Variants in ZDHHC17 observed in about 807,000 individuals in gnomAD.
ZDHHC17 encodes zDHHC palmitoyltransferase 17.
A neutral mutation model predicts 90.3 loss-of-function variants in ZDHHC17; 40 were observed. The observed-to-expected ratio is 0.44, with a 90% CI of 0.34 to 0.58. The LOEUF is 0.58. ZDHHC17 is among the 20% of genes least tolerant of loss of function. The pLI, the probability that ZDHHC17 is intolerant of heterozygous loss-of-function variation, is 0.01. For synonymous variants in ZDHHC17, 235 were observed against 252.4 expected, an observed-to-expected ratio of 0.93 and a Z score of 0.65; for missense variants, 614 against 780.8, an observed-to-expected ratio of 0.79 and a Z score of 2.55.
At chr12:76,835,379 A>C (rs960307798) in intron 10 of ZDHHC17, among the ~76,000 whole-genome samples, 1 of 152,062 alleles carries the variant, frequency 6.6e-6, no homozygotes, top group Non-Finnish European at 1.5e-5. Context: ...TTGAAATTCT[A>C]TTTGAGCTGT....
chr12:76,764,965 G>C (rs1952415278), intron 1 of ZDHHC17, among the ~76,000 whole-genome samples: 1 of 152,308 alleles, frequency 6.6e-6, no homozygotes, highest in Middle Eastern at 3.4e-3. Flanking sequence ...GGAGCTAGGG[G>C]TGGACAGTGC....
rs1029501345 is a variant in ZDHHC17, at chr12:76,853,542, C to A, written c.*2557C>A. ...TATGGATGTTTTTATTTTATATTTT[C>A]TTTATTTATAACTGTGCCAAGTATT... is the stretch of plus-strand genomic sequence containing the variant. On this transcript the variant is annotated 3_prime_UTR_variant, in exon 17 of 17. Coordinates refer to ENST00000426126, the MANE Select transcript of ZDHHC17 (RefSeq NM_015336.4). 2 of 152,038 alleles carry A rather than the reference C, an allele frequency of 1.3e-5. No individual in the cohort carries two copies. Among genetic ancestry groups the A allele is most frequent in the South Asian group, 4.2e-4 (2 of 4,800 alleles). 9.4% of individuals were successfully genotyped at this position (152,038 alleles called of 1,614,324 possible).
At chr12:76,800,929 C>T (rs1223558268) in intron 2 of ZDHHC17, among the ~76,000 whole-genome samples, 2 of 143,898 alleles carry the variant, frequency 1.4e-5, no homozygotes, top group Non-Finnish European at 3.0e-5. Flanking sequence ...GCTCTATCGC[C>T]TAGGCTGGAG....
At chr12:76,795,582 T>C (rs1952810138) in intron 1 of ZDHHC17, among the ~76,000 whole-genome samples, 1 of 152,106 alleles carries the variant, frequency 6.6e-6, no homozygotes, top group Non-Finnish European at 1.5e-5. Flanking sequence ...AATTTAGAAA[T>C]AAGAAAGTGT....
intron 12 of ZDHHC17, chr12:76,843,765 A>G (rs1953462753): frequency 1.3e-5 from 2 of 152,130 alleles, no homozygotes; most frequent in Admixed American, 1.3e-4. Context: ...ATGCTCTTTT[A>G]TACTTATACA....
At chr12:76,800,043 T>C (rs1290347276) in intron 2 of ZDHHC17, among the ~76,000 whole-genome samples, 1 of 152,228 alleles carries the variant, frequency 6.6e-6, no homozygotes, top group Non-Finnish European at 1.5e-5. Flanking sequence ...ATGTGTGGTA[T>C]CATGTGCTCA....
At chr12:76,830,895 A>G (rs890940789) in intron 10 of ZDHHC17, among the ~76,000 whole-genome samples, 3 of 152,164 alleles carry the variant, frequency 2.0e-5, no homozygotes, top group Non-Finnish European at 4.4e-5. Context: ...CAGAGTTAGT[A>G]TAAAATAGCT....
chr12:76,789,828 CTAGT>C (rs1417221208), intron 1 of ZDHHC17, among the ~76,000 whole-genome samples: 2 of 152,072 alleles, frequency 1.3e-5, no homozygotes, highest in Non-Finnish European at 2.9e-5. Context: ...AAATACCTGA[CTAGT>C]TATTCTCAAA....
chr12:76,804,953 G>A (rs1565781113), intron 2 of ZDHHC17, among the ~76,000 whole-genome samples: 1 of 152,022 alleles, frequency 6.6e-6, no homozygotes, highest in Non-Finnish European at 1.5e-5. Context: ...TCATTTATAT[G>A]CATCTTGTTA....
At chr12:76,801,537 C>T (rs904873182) in intron 2 of ZDHHC17, among the ~76,000 whole-genome samples, 2 of 151,830 alleles carry the variant, frequency 1.3e-5, no homozygotes, top group African/African-American at 2.4e-5. Context: ...GCCTGTAGTC[C>T]CAGCTACTCG....
rs12311275 is a variant in ZDHHC17, at chr12:76,831,745, C to A, written c.1141+3255C>A. Reference sequence around the variant, plus strand: ...CACTGCTGCCTCAACCTCCCAGGCTCAGGTGATCCTCCCACCTCAGCCTCC... The same window carrying A: ...CACTGCTGCCTCAACCTCCCAGGCTAAGGTGATCCTCCCACCTCAGCCTCC... On this transcript the variant is annotated intron_variant, in intron 10 of 16. Coordinates refer to ENST00000426126, the MANE Select transcript of ZDHHC17 (RefSeq NM_015336.4). Among the ~76,000 whole-genome samples the A allele has an allele frequency of 2.0e-4, 31 of 152,260 alleles. No homozygotes were observed. In the South Asian group the frequency reaches 6.2e-3, roughly 31 times the overall value.
intron 1 of ZDHHC17, among the ~76,000 whole-genome samples, chr12:76,796,161 A>G (rs557486846): frequency 6.6e-6 from 1 of 152,270 alleles, no homozygotes; most frequent in East Asian, 1.9e-4. Context: ...AATACTCTCA[A>G]CTTGGTATGA....
chr12:76,804,679 G>A (rs1403468032), intron 2 of ZDHHC17, among the ~76,000 whole-genome samples: 2 of 152,160 alleles, frequency 1.3e-5, no homozygotes, highest in Admixed American at 6.5e-5. Flanking sequence ...TAAAACTTAG[G>A]CGGCGTCTGG....
intron 1 of ZDHHC17, among the ~76,000 whole-genome samples, chr12:76,767,308 A>G (rs1002248476): frequency 1.3e-5 from 2 of 152,240 alleles, no homozygotes; most frequent in African/African-American, 4.8e-5. Context: ...TCACACAAAA[A>G]CAGTTTTTCA....
At chr12:76,781,133 CAAAA>C (rs33935444) in intron 1 of ZDHHC17, among the ~76,000 whole-genome samples, 2 of 92,372 alleles carry the variant, frequency 2.2e-5, no homozygotes, top group South Asian at 4.3e-4. Flanking sequence ...GACTCCGTCT[CAAAA>C]AAAAAAAAAA....
At chr12:76,815,484 A>T (rs1953075548) in intron 6 of ZDHHC17, among the ~76,000 whole-genome samples, 1 of 151,824 alleles carries the variant, frequency 6.6e-6, no homozygotes, top group Non-Finnish European at 1.5e-5. Context: ...CATGTGATTT[A>T]CATATTGACA....
intron 2 of ZDHHC17, among the ~76,000 whole-genome samples, chr12:76,798,340 A>G (rs1240670463): frequency 6.6e-6 from 1 of 152,222 alleles, no homozygotes; most frequent in Admixed American, 6.5e-5. Flanking sequence ...TGCAAAGTAT[A>G]TGGAAGTTGA....
intron 12 of ZDHHC17, chr12:76,843,984 A>C (rs1953464642): frequency 6.6e-6 from 1 of 152,120 alleles, no homozygotes; most frequent in Non-Finnish European, 1.5e-5. Flanking sequence ...ATTCTTTTAT[A>C]TATTCCGGCA....
chr12:76,816,088 G>A lies in ZDHHC17; in HGVS notation c.771+69G>A, dbSNP rs1201528671. 8 of 1,254,228 alleles carry A rather than the reference G, an allele frequency of 6.4e-6. No homozygotes were observed. The Admixed American group carries it at 2.3e-4, about 36-fold the overall frequency. 77.7% of individuals were successfully genotyped at this position (1,254,228 alleles called of 1,614,324 possible). A position where few individuals can be genotyped will look rare whatever the true frequency, so the allele number is the denominator to read the frequency against. The stretch of plus-strand genomic sequence containing the variant: ...ATATGTGAATTCTGTAATAAAACAA[G>A]TTTTTCATAGACTGTCAGAGTTGAA... On this transcript the variant is annotated intron_variant, in intron 7 of 16. Coordinates refer to ENST00000426126, the MANE Select transcript of ZDHHC17 (RefSeq NM_015336.4).
Sources: gnomAD v4.1 joint callset for allele counts (sites outside exome capture counted in the v4.1 genomes callset) on GRCh38, gnomAD v4.1.1 for gene constraint, MANE v1.5 for transcripts, NCBI Gene and HGNC (gene_info 2026-07-23, HGNC 2026-07-21) for gene names.